DMP1: variants seen among roughly 807,000 people sequenced by gnomAD.
DMP1 encodes the protein dentin matrix protein 1.
A neutral mutation model predicts 14.6 loss-of-function variants in DMP1; 20 were observed. The ratio of observed to expected loss-of-function variants is 1.37; its 90% CI spans 0.96 to 1.99. The LOEUF (loss-of-function observed/expected upper bound fraction) is 1.99. Ranked by LOEUF, DMP1 falls within the 30% of genes most tolerant of loss-of-function variation. The probability of loss-of-function intolerance (pLI) is 0.00; values close to 1 mark genes in which losing one functional copy is unlikely to be tolerated. For synonymous variants in DMP1, 197 were observed against 215.3 expected (o/e 0.91, Z 0.75); for missense variants, 567 against 620.5 (o/e 0.91, Z 0.92).
intron 1 of DMP1, among the ~76,000 whole-genome samples, chr4:87,653,292 CT>C: frequency 6.8e-6 from 1 of 148,032 alleles, no homozygotes; most frequent in Admixed American, 6.8e-5. Flanking sequence ...CTTAGGATTT[CT>C]ATTATTTTAT....
In DMP1 at chr4:87,664,177, CT is replaced by C. The variant is rs1048792728; in HGVS notation, c.*862del. Reference sequence around the variant, plus strand: ...AAAGAAATTCCTCTTTACGTAGATACTTTTTAGCTTTATTTTTTCTAAAATC... The same window carrying C: ...AAAGAAATTCCTCTTTACGTAGATACTTTTAGCTTTATTTTTTCTAAAATC... On this transcript the variant is annotated 3_prime_UTR_variant, in exon 6 of 6. Transcript: ENST00000339673. 2.6e-5 allele frequency: 4 copies of C among 152,122 alleles called. No homozygotes were observed. Among genetic ancestry groups the C allele is most frequent in the African/African-American group, 4.8e-5 (2 of 41,308 alleles). The allele number at this position is 152,122 out of a possible 1,614,324, so 9.4% of individuals were successfully genotyped here.
In DMP1 at chr4:87,662,415, G is replaced by A. The variant is rs143080176; in HGVS notation, c.637G>A (p.Glu213Lys). The change falls in exon 6 of 6, where the codon GAG (glutamate) becomes AAG (lysine). Residue 213 changes from glutamate to lysine, a missense_variant. Glu to Lys is a moderately conservative substitution (Grantham distance 56, BLOSUM62 1). Transcript: ENST00000339673. ...SHGDGSELDD[E>K]GMQSDDPESI... Reference sequence around the variant, plus strand: ...TGGAGACGGCTCCGAGTTGGACGATGAGGGAATGCAGAGTGATGACCCAGA... The same window carrying A: ...TGGAGACGGCTCCGAGTTGGACGATAAGGGAATGCAGAGTGATGACCCAGA... 4 of 1,614,084 alleles carry A rather than the reference G, an allele frequency of 2.5e-6. No individual in the cohort carries two copies. In the African/African-American group the frequency reaches 5.3e-5, roughly 22 times the overall value.
Position 87,662,216 on chromosome 4 carries a change from C to T in DMP1, c.438C>T (p.Ala146=). 6.2e-7 allele frequency: 1 copy of T among 1,614,190 alleles called. No individual in the cohort carries two copies. Among genetic ancestry groups the T allele is most frequent in the Non-Finnish European group, 8.5e-7 (1 of 1,180,042 alleles). The part of the protein sequence containing the change: ...SDEDSDDTIQ[A]SEESAPQGQD... ...AGGACTCTGATGACACCATACAAGC[C>T]AGTGAAGAGAGTGCCCCACAAGGGC... Residue 146 remains alanine, a synonymous_variant, in exon 6 of 6, where the codon GCC becomes GCT. Coordinates refer to ENST00000339673, the MANE Select transcript of DMP1 (RefSeq NM_004407.4).
chr4:87,657,382 A>G lies in DMP1; in HGVS notation c.102+303A>G, dbSNP rs1728731502. ...ATGACTTGAAATCTGTTTTAACAAG[A>G]GTTATCTGGTGGGCAAGAGGTCAAG... On this transcript the variant is annotated intron_variant, in intron 3 of 5. Transcript: ENST00000339673. 3 of 197,922 alleles carry G rather than the reference A, an allele frequency of 1.5e-5. No homozygotes were observed. The South Asian group carries it at 3.6e-4, about 24-fold the overall frequency. 12.3% of individuals were successfully genotyped at this position (197,922 alleles called of 1,614,324 possible).
At chr4:87,656,642 A>T (rs1457259678) in intron 2 of DMP1, 96 bp downstream of exon 2, 8 of 841,368 alleles carry the variant, frequency 9.5e-6, no homozygotes, top group Admixed American at 8.5e-5. Context: ...TGTATGTTCC[A>T]GTCCAGTAAA....
At position 87,663,384 on chromosome 4, in the gene DMP1, G is replaced by T. The variant is rs1007614713; in HGVS notation, c.*64G>T. On this transcript the variant is annotated 3_prime_UTR_variant, in exon 6 of 6. Transcript: ENST00000339673. ...TCTTAGGGACTTGAAAATGTATCAT[G>T]ATAACTATAATTTATTGATGTTTTG... The T allele has an allele frequency of 3.7e-6, 6 of 1,609,882 alleles. No individual in the cohort carries two copies. Among genetic ancestry groups the T allele is most frequent in the Non-Finnish European group, 5.1e-6 (6 of 1,177,074 alleles).
At chr4:87,656,691 T>C (rs931795480) in intron 2 of DMP1, 145 bp downstream of exon 2, 1 of 733,420 alleles carries the variant, frequency 1.4e-6, no homozygotes, top group Non-Finnish European at 2.5e-6. Context: ...TTAAGAAATA[T>C]CATTCAAGGT....
intron 1 of DMP1, among the ~76,000 whole-genome samples, chr4:87,650,695 G>C (rs1728511535): frequency 6.6e-6 from 1 of 152,034 alleles, no homozygotes; most frequent in Non-Finnish European, 1.5e-5. Flanking sequence ...TTGAAATTTA[G>C]TTTTAATTAG....
rs555507944 is a variant in DMP1, at chr4:87,660,771, C to A, written c.184-1191C>A. On this transcript the variant is annotated intron_variant, in intron 5 of 5. Transcript: ENST00000339673. Reference sequence around the variant, plus strand: ...ACTAGTTGGTGTCTTCTAGCTGAATCATCTATAGGCAACTTTCTGGTTGTA... The same window carrying A: ...ACTAGTTGGTGTCTTCTAGCTGAATAATCTATAGGCAACTTTCTGGTTGTA... 4.6e-5 allele frequency: 7 copies of A among 152,292 alleles called. No homozygotes were observed. The East Asian group carries it at 1.3e-3, about 29-fold the overall frequency. 9.4% of individuals were successfully genotyped at this position (152,292 alleles called of 1,614,324 possible).
intron 2 of DMP1, 70 bp downstream of exon 2, chr4:87,656,616 T>C (rs1728705024): frequency 2.0e-6 from 2 of 979,876 alleles, no homozygotes; most frequent in Non-Finnish European, 3.3e-6. Context: ...TGATTGGCTA[T>C]GAACCAAGAT....
chr4:87,661,904 AACTCCTTCTCT>A lies in DMP1; in HGVS notation c.184-56_184-46del, dbSNP rs550404901. 130 of 1,613,864 alleles carry A rather than the reference AACTCCTTCTCT, an allele frequency of 8.1e-5. 1 individual carries two copies. The South Asian group carries it at 1.4e-3, about 17-fold the overall frequency. On this transcript the variant is annotated intron_variant, in intron 5 of 5. Coordinates refer to ENST00000339673, the MANE Select transcript of DMP1 (RefSeq NM_004407.4). ...CAGAAAGACTAGAAAGGCTCTAGAT[AACTCCTTCTCT>A]ATCGGTTCCTGGAATACTGACCATA...
intron 5 of DMP1, chr4:87,660,880 C>G (rs1689620463): frequency 6.6e-6 from 1 of 152,208 alleles, no homozygotes; most frequent in Non-Finnish European, 1.5e-5. Flanking sequence ...ATTTTATCCT[C>G]TGGTCCTAGT....
At chr4:87,651,224 A>G (rs992033680) in intron 1 of DMP1, among the ~76,000 whole-genome samples, 1 of 152,100 alleles carries the variant, frequency 6.6e-6, no homozygotes, top group African/African-American at 2.4e-5. Context: ...ATGCGAACAA[A>G]CTATTTTCTA....
intron 5 of DMP1, among the ~76,000 whole-genome samples, chr4:87,661,204 A>ATTTTTTTTTTTTT (rs70957272): frequency 1.5e-5 from 1 of 66,632 alleles, no homozygotes; most frequent in Non-Finnish European, 2.8e-5. Context: ...CAGCCAGCTA[A>ATTTTTTTTTTTTT]TTTTTTTTTT....
Position 87,663,219 on chromosome 4 carries a change from T to C in DMP1, c.1441T>C (p.Leu481=), listed in dbSNP as rs765723704. The C allele has an allele frequency of 1.9e-6, 3 of 1,614,126 alleles. No individual in the cohort carries two copies. In the South Asian group the frequency reaches 3.3e-5, roughly 18 times the overall value. Residue 481 remains leucine (L), a synonymous_variant, in exon 6 of 6, where the codon TTG becomes CTG. Coordinates refer to ENST00000339673, the MANE Select transcript of DMP1 (RefSeq NM_004407.4). ...ATCAAGCAGTGAGGAAGATGGCCAG[T>C]TGAAAAACATTGAGATAGAGAGCCG... ...SKSSSEEDGQ[L]KNIEIESRKL...
rs1560494264 is a variant in DMP1 at position 87,662,536 on chromosome 4, A to C, written c.758A>C (p.Asp253Ala). 5 of 1,614,164 alleles carry C rather than the reference A, an allele frequency of 3.1e-6. No homozygotes were observed. The Admixed American group carries it at 8.3e-5, about 27-fold the overall frequency. Residue 253 changes from aspartate (D) to alanine (A), a missense_variant, in exon 6 of 6, where the codon GAT becomes GCT. By Grantham distance (126) the Asp-to-Ala change is moderately radical. Coordinates refer to ENST00000339673, the MANE Select transcript of DMP1 (RefSeq NM_004407.4). ...AACAGTGAGCAAGCAAACACTCAAG[A>C]TTCAGGTGGCAGCCAATTGCTGGAG... ...GENSEQANTQ[D>A]SGGSQLLEHP...
intron 5 of DMP1, among the ~76,000 whole-genome samples, chr4:87,660,027 C>G (rs901373384): frequency 3.3e-5 from 5 of 152,218 alleles, no homozygotes; most frequent in African/African-American, 9.6e-5. Context: ...TCCCTTAAAG[C>G]TGGCATTCTT....
In DMP1 at chr4:87,662,776, T is replaced by G; in HGVS notation, c.998T>G (p.Val333Gly). The G allele has an allele frequency of 6.2e-7, 1 of 1,613,556 alleles. No individual in the cohort carries two copies. ...CTGTCCCAGGAAGAGAGCCAAAACG[T>G]AGATGGTCCCAGCAGTGAGTCCAGC... is the stretch of plus-strand genomic sequence containing the variant. Reference protein sequence around the residue: ...ENLSQEESQNVDGPSSESSQE... With the variant: ...ENLSQEESQNGDGPSSESSQE... The change falls in exon 6 of 6, where the codon GTA (valine) becomes GGA (glycine). Residue 333 changes from valine to glycine, a missense_variant. Transcript: ENST00000339673.
In DMP1 at chr4:87,663,195, T is replaced by C; in HGVS notation, c.1417T>C (p.Ser473Pro). ...KEDSNSTESK[S>P]SSEEDGQLKN... ...AGATAGCAACTCCACGGAGAGCAAA[T>C]CAAGCAGTGAGGAAGATGGCCAGTT... The change falls in exon 6 of 6, where the codon TCA (serine) becomes CCA (proline). Residue 473 changes from serine (S) to proline (P), a missense_variant. Physicochemically the swap from Ser to Pro is moderately conservative, Grantham distance 74. Coordinates refer to ENST00000339673, the MANE Select transcript of DMP1 (RefSeq NM_004407.4). 3 of 1,613,964 alleles carry C rather than the reference T, an allele frequency of 1.9e-6. No individual in the cohort carries two copies. Among genetic ancestry groups the C allele is most frequent in the Non-Finnish European group, 2.5e-6 (3 of 1,179,986 alleles).
Sources: allele counts gnomAD v4.1 joint callset (sites outside exome capture counted in the v4.1 genomes callset), GRCh38; gene constraint gnomAD v4.1.1; transcripts MANE v1.5; gene names NCBI Gene and HGNC (gene_info 2026-07-23, HGNC 2026-07-21).